Variants in VPS13B observed in about 807,000 individuals in gnomAD.
The protein encoded by VPS13B is vacuolar protein sorting 13 homolog B, also known as intermembrane lipid transfer protein VPS13B.
Under a neutral mutation model 426.4 loss-of-function variants are expected in VPS13B, and 285 were observed. The observed-to-expected ratio is 0.67, with a 90% confidence interval of 0.61 to 0.74. The LOEUF (loss-of-function observed/expected upper bound fraction) is 0.74. VPS13B is among the 30% of genes least tolerant of loss of function. The probability of loss-of-function intolerance (pLI) is 0.00; values close to 1 mark genes in which losing one functional copy is unlikely to be tolerated. For missense variants in VPS13B, 4,537 were observed against 4,782.6 expected (o/e 0.95, Z 1.51); for synonymous variants, 1,676 against 1,676.4 (o/e 1.00, Z 0.01).
rs770615793 is a variant in VPS13B, at chr8:99,135,694, T to C, written c.1524T>C (p.Gly508=). The change falls in exon 11 of 62, where the codon GGT becomes GGC. Residue 508 remains glycine (G), a synonymous_variant. Coordinates refer to ENST00000357162, the MANE Select transcript of VPS13B (RefSeq NM_152564.5). ...ATTACCGAAGCCCAGAAAATAATGG[T>C]ACTCGCGCAGAATTTATCTTGGATT... ...LFDYRSPENN[G]TRAEFILDST... is the part of the protein sequence containing the mutation. 1 of 1,613,466 alleles carries C rather than the reference T, an allele frequency of 6.2e-7. No individual in the cohort carries two copies. The highest frequency in any genetic ancestry group is 8.5e-7 in the Non-Finnish European group (1 of 1,179,516).
intron 21 of VPS13B, among the ~76,000 whole-genome samples, chr8:99,416,759 C>T (rs1816038390): frequency 6.6e-6 from 1 of 152,114 alleles, no homozygotes; most frequent in South Asian, 2.1e-4. Flanking sequence ...CACTGCCTAA[C>T]CAGTCCCAGT....
chr8:99,442,374 T>C (rs1817718275), intron 22 of VPS13B, 27 bp from the exon 23 acceptor site: 13 of 1,598,012 alleles, frequency 8.1e-6, no homozygotes, highest in South Asian at 1.1e-5. Flanking sequence ...CTAATCCGAA[T>C]ATTTTAATTC....
intron 35 of VPS13B, chr8:99,697,072 A>G (rs1004366401): frequency 8.2e-5 from 44 of 538,970 alleles, no homozygotes; most frequent in Non-Finnish European, 1.3e-4. Context: ...CCATATCGCT[A>G]CTCATCCTGT....
intron 17 of VPS13B, among the ~76,000 whole-genome samples, chr8:99,237,982 A>C (rs1228518149): frequency 6.6e-6 from 1 of 151,698 alleles, no homozygotes; most frequent in African/African-American, 2.4e-5. Flanking sequence ...TATAGGCTGT[A>C]CTACCAGTAA....
chr8:99,423,539 A>G (rs930119531), intron 21 of VPS13B, among the ~76,000 whole-genome samples: 6 of 151,490 alleles, frequency 4.0e-5, no homozygotes, highest in African/African-American at 1.5e-4. Flanking sequence ...AAGTGCTGGG[A>G]TTATAGATGT....
At chr8:99,036,723 C>A (rs1046475382) in intron 2 of VPS13B, among the ~76,000 whole-genome samples, 2 of 151,920 alleles carry the variant, frequency 1.3e-5, no homozygotes, top group Non-Finnish European at 2.9e-5. Flanking sequence ...TGATTTATGC[C>A]CTTAGACTGC....
intron 19 of VPS13B, among the ~76,000 whole-genome samples, chr8:99,359,950 G>A (rs187087579): frequency 3.9e-5 from 6 of 151,980 alleles, no homozygotes; most frequent in African/African-American, 9.6e-5. Context: ...CTACAGGCAC[G>A]TGGCACCATG....
intron 34 of VPS13B, among the ~76,000 whole-genome samples, chr8:99,644,109 G>A (rs149892638): frequency 5.3e-5 from 8 of 152,260 alleles, no homozygotes; most frequent in East Asian, 3.9e-4. Flanking sequence ...GGGGAAAGGG[G>A]CCGAGAGGAA....
intron 54 of VPS13B, among the ~76,000 whole-genome samples, chr8:99,837,117 G>A (rs1815438079): frequency 6.6e-6 from 1 of 152,140 alleles, no homozygotes; most frequent in Non-Finnish European, 1.5e-5. Flanking sequence ...TTTGTGAAAT[G>A]TGGAATGACT....
Position 99,431,684 on chromosome 8 carries a change from TATTATGG to T in VPS13B, c.3210+23_3210+29del. On this transcript the variant is annotated intron_variant, in intron 22 of 61. Coordinates refer to ENST00000357162, the MANE Select transcript of VPS13B (RefSeq NM_152564.5). ...CTACAGGTAAAATAAAAGTTAGAAA[TATTATGG>T]ATATAATTTCTATAATCCTTTTTAA... 1.9e-6 allele frequency: 3 copies of T among 1,607,300 alleles called. No individual in the cohort carries two copies. The highest frequency in any genetic ancestry group is 2.6e-6 in the Non-Finnish European group (3 of 1,175,902).
chr8:99,079,587 T>C (rs1845335834), intron 3 of VPS13B, among the ~76,000 whole-genome samples: 1 of 152,196 alleles, frequency 6.6e-6, no homozygotes, highest in African/African-American at 2.4e-5. Flanking sequence ...TTTCTCCTTG[T>C]GTATAGATTT....
chr8:99,715,106 A>G (rs146242277), intron 36 of VPS13B, among the ~76,000 whole-genome samples: 1,810 of 147,554 alleles, frequency 0.012, 13 homozygotes, highest in Non-Finnish European at 0.018. Context: ...TTTTTTTTTT[A>G]AAGTGAGGGG....
At chr8:99,313,159 C>G (rs1821108660) in intron 19 of VPS13B, among the ~76,000 whole-genome samples, 1 of 152,210 alleles carries the variant, frequency 6.6e-6, no homozygotes, top group African/African-American at 2.4e-5. Context: ...AAGCCTTCTT[C>G]TCTCAACTCG....
chr8:99,721,087 G>A (rs910120227), intron 39 of VPS13B, 40 bp downstream of exon 39: 1 of 1,601,056 alleles, frequency 6.2e-7, no homozygotes, highest in Non-Finnish European at 8.6e-7. Flanking sequence ...AAACATTGTG[G>A]GAAAGGGCTG....
chr8:99,140,368 C>CAAAAAA (rs5893482), intron 12 of VPS13B, among the ~76,000 whole-genome samples: 1 of 74,672 alleles, frequency 1.3e-5, no homozygotes, highest in Non-Finnish European at 2.8e-5. Context: ...AGCTCTGTCT[C>CAAAAAA]AAAAAAAAAA....
intron 54 of VPS13B, among the ~76,000 whole-genome samples, chr8:99,841,113 A>G (rs1031571092): frequency 6.6e-6 from 1 of 152,232 alleles, no homozygotes; most frequent in Non-Finnish European, 1.5e-5. Context: ...AGAAGTATAC[A>G]GTAGGAAAAA....
At chr8:99,337,044 C>T (rs1810928915) in intron 19 of VPS13B, among the ~76,000 whole-genome samples, 1 of 152,110 alleles carries the variant, frequency 6.6e-6, no homozygotes, top group Admixed American at 6.5e-5. Flanking sequence ...AATCATGCTG[C>T]TATAGAGACA....
At chr8:99,719,348 G>A (rs938630209) in intron 37 of VPS13B, among the ~76,000 whole-genome samples, 1 of 152,104 alleles carries the variant, frequency 6.6e-6, no homozygotes, top group African/African-American at 2.4e-5. Context: ...TCTACTCCCC[G>A]TTTGACTTTT....
intron 19 of VPS13B, among the ~76,000 whole-genome samples, chr8:99,351,365 A>G (rs3103722): frequency 0.71 from 107,413 of 151,768 alleles, 38,920 homozygotes; most frequent in Middle Eastern, 0.8. Context: ...GTTAACTCCA[A>G]CTGTCACCTT....
Sources: gnomAD v4.1 joint callset for allele counts (sites outside exome capture counted in the v4.1 genomes callset) on GRCh38, gnomAD v4.1.1 for gene constraint, MANE v1.5 for transcripts, NCBI Gene and HGNC (gene_info 2026-07-23, HGNC 2026-07-21) for gene names.